Variants in CNKSR3 observed in about 807,000 individuals in gnomAD.
The protein encoded by CNKSR3 is connector enhancer of kinase suppressor of ras 3.
CNKSR3 carries 36 observed loss-of-function variants against 67.7 expected under a neutral mutation model. The observed-to-expected ratio is 0.53, with a 90% CI of 0.41 to 0.70. The LOEUF is 0.70. Among genes scored for constraint, CNKSR3 ranks in the 30% least tolerant of loss-of-function variants. The pLI, the probability that CNKSR3 is intolerant of heterozygous loss-of-function variation, is 0.00. For synonymous variants in CNKSR3, 281 were observed against 271.4 expected (o/e 1.04, Z -0.35); for missense variants, 630 against 695.2 (o/e 0.91, Z 1.05).
At chr6:154,420,543 G>C (rs1785120008) in intron 9 of CNKSR3, among the ~76,000 whole-genome samples, 1 of 151,384 alleles carries the variant, frequency 6.6e-6, no homozygotes, top group South Asian at 2.1e-4. Flanking sequence ...CAAAAAATTA[G>C]CCGGGCGTAG....
Position 154,510,406 on chromosome 6 carries a change from C to G in CNKSR3, c.-292G>C, listed in dbSNP as rs570728493. 2.1e-6 allele frequency: 1 copy of G among 482,574 alleles called. No individual in the cohort carries two copies. The highest frequency in any genetic ancestry group is 3.7e-6 in the Non-Finnish European group (1 of 273,478). 29.9% of individuals were successfully genotyped at this position (482,574 alleles called of 1,614,324 possible). A position where few individuals can be genotyped will look rare whatever the true frequency, so the allele number is the denominator to read the frequency against. On this transcript the variant is annotated 5_prime_UTR_variant, in exon 1 of 13. Coordinates refer to ENST00000607772, the MANE Select transcript of CNKSR3 (RefSeq NM_173515.4). ...CGAGCGACGGCAGCTGCAGGCACGC[C>G]GGGCTGCGACCCCAGACCCCTGGCC...
rs1458012293 is a variant in CNKSR3, at chr6:154,394,109, C to T, written c.*12245G>A. The T allele has an allele frequency of 6.6e-6, 1 of 152,158 alleles. No homozygotes were observed. Among genetic ancestry groups the T allele is most frequent in the Non-Finnish European group, 1.5e-5 (1 of 68,060 alleles). The allele number at this position is 152,158 out of a possible 1,614,324, so 9.4% of individuals were successfully genotyped here. A position where few individuals can be genotyped will look rare whatever the true frequency, so the allele number is the denominator to read the frequency against. ...ACCTGGTTTACTGTAACCTCAAACT[C>T]CTGGGCTCCAGCGATTATCCCACCT... On this transcript the variant is annotated 3_prime_UTR_variant, in exon 13 of 13. Coordinates refer to ENST00000607772, the MANE Select transcript of CNKSR3 (RefSeq NM_173515.4).
intron 1 of CNKSR3, among the ~76,000 whole-genome samples, chr6:154,509,012 G>C (rs1455526687): frequency 6.6e-6 from 1 of 152,096 alleles, no homozygotes; most frequent in Non-Finnish European, 1.5e-5. Context: ...ATAACAGAGA[G>C]AGCTCTTAGC....
chr6:154,437,573 C>T lies in CNKSR3; in HGVS notation c.507+3719G>A, dbSNP rs568835308. On this transcript the variant is annotated intron_variant, in intron 4 of 12. Transcript: ENST00000607772. ...GGATATATAGGTGTCCGCCACCATG[C>T]CCTGGGTGATTTTTGTATTTTTAGT... Among the ~76,000 whole-genome samples, 4 of 152,084 alleles carry T rather than the reference C, an allele frequency of 2.6e-5. No homozygotes were observed. In the South Asian group the frequency reaches 6.2e-4, roughly 24 times the overall value.
chr6:154,489,573 T>C (rs1281294188), intron 1 of CNKSR3, among the ~76,000 whole-genome samples: 2 of 152,062 alleles, frequency 1.3e-5, no homozygotes, highest in Admixed American at 1.3e-4. Flanking sequence ...GTCACTCTAT[T>C]GTATATTAGC....
chr6:154,464,498 T>C (rs1482601367), intron 1 of CNKSR3, among the ~76,000 whole-genome samples: 1 of 151,360 alleles, frequency 6.6e-6, no homozygotes, highest in Non-Finnish European at 1.5e-5. Flanking sequence ...CTGCGGAACA[T>C]GAGGTCAGGA....
chr6:154,473,031 C>T (rs1458443792), intron 1 of CNKSR3, among the ~76,000 whole-genome samples: 1 of 152,134 alleles, frequency 6.6e-6, no homozygotes, highest in Non-Finnish European at 1.5e-5. Flanking sequence ...GGCAAAGAAA[C>T]TAAAATGGAC....
chr6:154,508,453 T>C (rs1440320081), intron 1 of CNKSR3, among the ~76,000 whole-genome samples: 3 of 152,212 alleles, frequency 2.0e-5, no homozygotes, highest in East Asian at 1.9e-4. Flanking sequence ...AGAGCGGCTC[T>C]AGAAGTCAAC....
At chr6:154,470,776 T>C (rs1270446614) in intron 1 of CNKSR3, among the ~76,000 whole-genome samples, 3 of 152,238 alleles carry the variant, frequency 2.0e-5, no homozygotes, top group Non-Finnish European at 4.4e-5. Context: ...TGAATGTACG[T>C]TCTCAGTTCT....
intron 1 of CNKSR3, among the ~76,000 whole-genome samples, chr6:154,459,738 A>G (rs1213036054): frequency 6.6e-6 from 1 of 152,266 alleles, no homozygotes; most frequent in Non-Finnish European, 1.5e-5. Context: ...GTTTCACAAC[A>G]TAAGTAGAAG....
chr6:154,485,706 A>C (rs893272666), intron 1 of CNKSR3, among the ~76,000 whole-genome samples: 15 of 152,194 alleles, frequency 9.9e-5, no homozygotes, highest in Non-Finnish European at 2.9e-5. Context: ...CAGGCAATCT[A>C]AAAGTCCCTT....
chr6:154,500,256 A>AACACACACACACACAC (rs5881088), intron 1 of CNKSR3, among the ~76,000 whole-genome samples: 18 of 147,320 alleles, frequency 1.2e-4, no homozygotes, highest in African/African-American at 4.2e-4. Context: ...TAAAATTAGA[A>AACACACACACACACAC]ACACACACAC....
intron 4 of CNKSR3, among the ~76,000 whole-genome samples, chr6:154,434,715 T>A (rs182906307): frequency 2.0e-5 from 3 of 152,248 alleles, no homozygotes; most frequent in African/African-American, 7.2e-5. Flanking sequence ...AAAAATAAAT[T>A]TAGAAATGTA....
chr6:154,437,227 A>T (rs906355384), intron 4 of CNKSR3, among the ~76,000 whole-genome samples: 1 of 152,044 alleles, frequency 6.6e-6, no homozygotes, highest in African/African-American at 2.4e-5. Flanking sequence ...GAGTCAACAG[A>T]TCTTCTGTCA....
In CNKSR3 at chr6:154,406,192, T is replaced by A. The variant is rs1045646652; in HGVS notation, c.*162A>T. On this transcript the variant is annotated 3_prime_UTR_variant, in exon 13 of 13. Coordinates refer to ENST00000607772, the MANE Select transcript of CNKSR3 (RefSeq NM_173515.4). Reference sequence around the variant, plus strand: ...ATCCTCTGAATTTGTTCCCATCCAATCCTGCAAACTTCCAAGAAGGGCAGT... The same window carrying A: ...ATCCTCTGAATTTGTTCCCATCCAAACCTGCAAACTTCCAAGAAGGGCAGT... 2.6e-5 allele frequency: 17 copies of A among 664,404 alleles called. No individual in the cohort carries two copies. In the East Asian group the frequency reaches 4.7e-4, roughly 18 times the overall value. The allele number at this position is 664,404 out of a possible 1,614,324, so 41.2% of individuals were successfully genotyped here.
chr6:154,414,251 T>G, intron 10 of CNKSR3, 48 bp downstream of exon 10: 1 of 1,523,508 alleles, frequency 6.6e-7, no homozygotes, highest in Non-Finnish European at 8.8e-7. Flanking sequence ...CATTTACAAA[T>G]GACACCAACA....
chr6:154,458,381 A>C (rs1786002882), intron 1 of CNKSR3, among the ~76,000 whole-genome samples: 1 of 152,032 alleles, frequency 6.6e-6, no homozygotes. Flanking sequence ...CTAATGAAAG[A>C]CCTGAATGTT....
At chr6:154,479,874 T>G (rs1027014053) in intron 1 of CNKSR3, among the ~76,000 whole-genome samples, 12 of 152,244 alleles carry the variant, frequency 7.9e-5, no homozygotes, top group African/African-American at 2.9e-4. Context: ...TTACTGTAAC[T>G]GTACACTGTG....
intron 1 of CNKSR3, among the ~76,000 whole-genome samples, chr6:154,462,130 G>T (rs1353430482): frequency 1.3e-5 from 2 of 152,142 alleles, no homozygotes; most frequent in Non-Finnish European, 2.9e-5. Flanking sequence ...AAACAATTCA[G>T]CAGGTTTTAG....
Sources: gnomAD v4.1 joint callset for allele counts (sites outside exome capture counted in the v4.1 genomes callset) on GRCh38, gnomAD v4.1.1 for gene constraint, MANE v1.5 for transcripts, NCBI Gene and HGNC (gene_info 2026-07-23, HGNC 2026-07-21) for gene names.